AFF2: variants seen among roughly 807,000 people sequenced by gnomAD.
AFF2 encodes the protein AF4/FMR2 family member 2.
Under a neutral mutation model 76.9 loss-of-function variants are expected in AFF2, and 14 were observed. The observed-to-expected ratio is 0.18, with a 90% CI of 0.12 to 0.28. AFF2 has a LOEUF of 0.28. AFF2 is among the 10% of genes least tolerant of loss of function. The pLI is 1.00. For synonymous variants in AFF2, 398 were observed against 366.7 expected, an observed-to-expected ratio of 1.09 and a Z score of -0.98; for missense variants, 868 against 1,001.1, an observed-to-expected ratio of 0.87 and a Z score of 1.79.
chrX:148,870,288 A>G (rs1334263590), intron 7 of AFF2, among the ~76,000 whole-genome samples: 1 of 112,177 alleles, frequency 8.9e-6, no homozygotes, highest in East Asian at 2.8e-4. Context: ...TGTTATTGCA[A>G]TTACCAAGTT....
At chrX:148,767,492 C>A (rs1189050070) in intron 3 of AFF2, among the ~76,000 whole-genome samples, 1 of 111,793 alleles carries the variant, frequency 8.9e-6, no homozygotes, top group African/African-American at 3.3e-5. Context: ...GTCATATAGG[C>A]TGATTTGCTT....
At chrX:148,719,000 A>G (rs2055059187) in intron 3 of AFF2, 1 of 880,393 alleles carries the variant, frequency 1.1e-6, no homozygotes, top group African/African-American at 2.0e-5. Context: ...TTAAATTGAG[A>G]TGATGTCATA....
intron 3 of AFF2, among the ~76,000 whole-genome samples, chrX:148,785,152 C>CTTGTGCTGT (rs1557269410): frequency 8.9e-6 from 1 of 112,259 alleles, no homozygotes; most frequent in African/African-American, 3.2e-5. Context: ...CACAGAGTCA[C>CTTGTGCTGT]ACAGAAACTA....
At chrX:148,839,894 G>GGT (rs200060298) in intron 5 of AFF2, among the ~76,000 whole-genome samples, 47,075 of 86,337 alleles carry the variant, frequency 0.55, 12,176 homozygotes, top group East Asian at 0.74. Flanking sequence ...GTTGGGGCAT[G>GGT]GTGTGTGTGT....
chrX:148,582,351 G>A (rs1280370267), intron 1 of AFF2, among the ~76,000 whole-genome samples: 1 of 111,229 alleles, frequency 9.0e-6, no homozygotes, highest in Non-Finnish European at 1.9e-5. Flanking sequence ...AGTACTTTGA[G>A]ACTATGTAAA....
At chrX:148,974,648 G>A (rs1229240007) in intron 16 of AFF2, among the ~76,000 whole-genome samples, 1 of 112,019 alleles carries the variant, frequency 8.9e-6, no homozygotes, top group East Asian at 2.8e-4. Context: ...AAGCAACTCT[G>A]CTCACATAGA....
intron 1 of AFF2, among the ~76,000 whole-genome samples, chrX:148,524,689 T>C (rs1398965491): frequency 8.9e-6 from 1 of 112,623 alleles, no homozygotes; most frequent in Non-Finnish European, 1.9e-5. Context: ...GATGACATTA[T>C]GTGTGTTTCA....
At chrX:148,680,890 C>T (rs2054539544) in intron 3 of AFF2, among the ~76,000 whole-genome samples, 1 of 111,054 alleles carries the variant, frequency 9.0e-6, no homozygotes, top group Admixed American at 9.6e-5. Flanking sequence ...TTGGGGACTT[C>T]ATCCTTTCTG....
At chrX:148,920,431 T>A (rs1365162299) in intron 9 of AFF2, among the ~76,000 whole-genome samples, 1 of 112,148 alleles carries the variant, frequency 8.9e-6, no homozygotes, top group Non-Finnish European at 1.9e-5. Flanking sequence ...GAAATTAAAA[T>A]TCTATAAAGC....
chrX:148,909,236 A>C (rs180962204), intron 9 of AFF2, among the ~76,000 whole-genome samples: 13 of 112,277 alleles, frequency 1.2e-4, no homozygotes, highest in Admixed American at 1.1e-3. Context: ...TTGACAGGGC[A>C]TTGATGCCTC....
intron 3 of AFF2, among the ~76,000 whole-genome samples, chrX:148,694,037 G>T (rs1557261024): frequency 9.1e-6 from 1 of 109,763 alleles, no homozygotes; most frequent in African/African-American, 3.3e-5. Context: ...GATGAAATTG[G>T]AAATCATCAT....
At chrX:148,807,883 A>G (rs2070157002) in intron 3 of AFF2, among the ~76,000 whole-genome samples, 1 of 112,676 alleles carries the variant, frequency 8.9e-6, no homozygotes, top group Non-Finnish European at 1.9e-5. Flanking sequence ...GTATAATCAT[A>G]TAAACATGTT....
chrX:148,823,495 C>A (rs2070351684), intron 4 of AFF2, among the ~76,000 whole-genome samples: 2 of 111,909 alleles, frequency 1.8e-5, no homozygotes, highest in Admixed American at 9.5e-5. Flanking sequence ...TTACATGTGG[C>A]CAGTGTTTGC....
intron 1 of AFF2, among the ~76,000 whole-genome samples, chrX:148,634,655 A>G (rs782718672): frequency 8.9e-6 from 1 of 112,011 alleles, no homozygotes; most frequent in Non-Finnish European, 1.9e-5. Flanking sequence ...TAACAAGCAT[A>G]GAGATAAATG....
At chrX:148,620,402 T>TAAGG (rs2053854439) in intron 1 of AFF2, among the ~76,000 whole-genome samples, 1 of 111,160 alleles carries the variant, frequency 9.0e-6, no homozygotes, top group African/African-American at 3.3e-5. Context: ...AAATGTAAGG[T>TAAGG]AAGGACCTTT....
At position 148,997,953 on chromosome X, in the gene AFF2, G is replaced by C. The variant is rs1472214890; in HGVS notation, c.*6621G>C. 1 of 112,555 alleles carries C rather than the reference G, an allele frequency of 8.9e-6. No individual in the cohort carries two copies. The highest frequency in any genetic ancestry group is 1.9e-5 in the Non-Finnish European group (1 of 53,332). The allele number at this position is 112,555 out of a possible 1,213,427, so 9.3% of individuals were successfully genotyped here. On this transcript the variant is annotated 3_prime_UTR_variant, in exon 21 of 21. Transcript: ENST00000370460. ...CTACTTACTGGATATTTTAGAAAGAGAAATGTCTGAGATAAAATCCCTCAC... is the reference window on the plus strand; with the variant it reads ...CTACTTACTGGATATTTTAGAAAGACAAATGTCTGAGATAAAATCCCTCAC...
intron 3 of AFF2, among the ~76,000 whole-genome samples, chrX:148,688,629 A>G (rs782052372): frequency 4.3e-4 from 48 of 111,426 alleles, no homozygotes; most frequent in African/African-American, 1.6e-3. Flanking sequence ...GGCCTAATAA[A>G]TATAGTCATG....
In AFF2 at chrX:148,949,021, A is replaced by G. The variant is rs12389849; in HGVS notation, c.1398-4559A>G. Among the ~76,000 whole-genome samples, 942 of 109,979 alleles carry G rather than the reference A, an allele frequency of 8.6e-3. 6 individuals are homozygous for G. The highest frequency in any genetic ancestry group is 0.03 in the African/African-American group (901 of 30,209). Reference sequence around the variant, plus strand: ...TAGATCTCCAACTCATTGGTTTTGTATTTACCGTGGAAGTTCAGAACAAGC... The same window carrying G: ...TAGATCTCCAACTCATTGGTTTTGTGTTTACCGTGGAAGTTCAGAACAAGC... On this transcript the variant is annotated intron_variant, in intron 9 of 20. Transcript: ENST00000370460.
At chrX:148,663,665 G>T (rs1196215958) in intron 3 of AFF2, among the ~76,000 whole-genome samples, 4 of 112,225 alleles carry the variant, frequency 3.6e-5, no homozygotes, top group Non-Finnish European at 7.5e-5. Context: ...CTTTAGATTG[G>T]ATTCCTGTCA....
Sources: allele counts gnomAD v4.1 joint callset (sites outside exome capture counted in the v4.1 genomes callset), GRCh38; gene constraint gnomAD v4.1.1; transcripts MANE v1.5; gene names NCBI Gene and HGNC (gene_info 2026-07-23, HGNC 2026-07-21).